The following SLC35F4 variants were observed in gnomAD, a reference collection of about 807,000 sequenced individuals.
SLC35F4 encodes chromosome 14 open reading frame 36.
A neutral mutation model predicts 44.2 loss-of-function variants in SLC35F4; 24 were observed. The ratio of observed to expected loss-of-function variants is 0.54; its 90% CI spans 0.39 to 0.76. SLC35F4 has a LOEUF of 0.76. Ranked by LOEUF, SLC35F4 falls within the 30% of genes least tolerant of loss-of-function variation. The pLI, the probability that SLC35F4 is intolerant of heterozygous loss-of-function variation, is 0.00. For missense variants in SLC35F4, 562 were observed against 586.1 expected (o/e 0.96, Z 0.42); for synonymous variants, 238 against 223.6 (o/e 1.06, Z -0.57).
At chr14:57,978,805 G>A (rs1043714701) in intron 1 of SLC35F4, among the ~76,000 whole-genome samples, 1 of 152,104 alleles carries the variant, frequency 6.6e-6, no homozygotes, top group East Asian at 1.9e-4. Flanking sequence ...GAAAATCAGG[G>A]GACACAGAAT....
chr14:57,619,105 T>C (rs1030412170), intron 1 of SLC35F4, among the ~76,000 whole-genome samples: 1 of 152,086 alleles, frequency 6.6e-6, no homozygotes, highest in African/African-American at 2.4e-5. Context: ...GGGGCAACTG[T>C]GGGTTCAGCT....
chr14:57,953,690 A>G (rs902600912), intron 1 of SLC35F4, among the ~76,000 whole-genome samples: 1 of 152,220 alleles, frequency 6.6e-6, no homozygotes, highest in African/African-American at 2.4e-5. Flanking sequence ...AGGACATTAC[A>G]TAATTGTAAA....
chr14:57,807,416 C>T (rs2140875668), intron 1 of SLC35F4, among the ~76,000 whole-genome samples: 1 of 152,088 alleles, frequency 6.6e-6, no homozygotes, highest in South Asian at 2.1e-4. Flanking sequence ...CCTCCTGCCT[C>T]CAAGCAGGAA....
chr14:57,940,271 T>C (rs1290789538), intron 1 of SLC35F4, among the ~76,000 whole-genome samples: 3 of 152,164 alleles, frequency 2.0e-5, no homozygotes, highest in Non-Finnish European at 2.9e-5. Context: ...ATTCTCTTGA[T>C]GAGAATGGGT....
chr14:57,779,985 T>C (rs1180459377), intron 1 of SLC35F4, among the ~76,000 whole-genome samples: 1 of 152,156 alleles, frequency 6.6e-6, no homozygotes, highest in African/African-American at 2.4e-5. Flanking sequence ...TCATTCTGAA[T>C]GGGAAAAAGC....
intron 1 of SLC35F4, among the ~76,000 whole-genome samples, chr14:57,738,277 C>T (rs1173562143): frequency 6.6e-6 from 1 of 152,158 alleles, no homozygotes; most frequent in Non-Finnish European, 1.5e-5. Flanking sequence ...TAAATCCAGA[C>T]AGAAAGCAAA....
rs890647749 is a variant in SLC35F4 at position 57,865,933 on chromosome 14, G to A, written c.-108C>T. The A allele has an allele frequency of 1.5e-6, 1 of 649,864 alleles. No homozygotes were observed. Among genetic ancestry groups the A allele is most frequent in the Admixed American group, 4.2e-5 (1 of 23,816 alleles). 40.3% of individuals were successfully genotyped at this position (649,864 alleles called of 1,614,324 possible). A position where few individuals can be genotyped will look rare whatever the true frequency, so the allele number is the denominator to read the frequency against. ...CGCTGGTGCTGATCTTGCAGCTCCT[G>A]CTCCCGCGCCCGGGCTCTGACTCCA... On this transcript the variant is annotated 5_prime_UTR_variant, in exon 1 of 8. Transcript: ENST00000556826.
At chr14:57,652,442 C>A (rs893045551) in intron 1 of SLC35F4, among the ~76,000 whole-genome samples, 1 of 152,038 alleles carries the variant, frequency 6.6e-6, no homozygotes. Context: ...CTTTTTGGAG[C>A]AAATTTCTTC....
chr14:57,877,674 CTTTTTTTTTTTTTTT>C (rs139397949), intron 1 of SLC35F4, among the ~76,000 whole-genome samples: 2 of 52,440 alleles, frequency 3.8e-5, no homozygotes, highest in Admixed American at 4.5e-4. Flanking sequence ...TATTTTTTGA[CTTTTTTTTTTTTTTT>C]TTTTTTTTTT....
At chr14:57,767,363 T>C (rs1257369517) in intron 1 of SLC35F4, among the ~76,000 whole-genome samples, 1 of 152,160 alleles carries the variant, frequency 6.6e-6, no homozygotes, top group Non-Finnish European at 1.5e-5. Flanking sequence ...AATCATACAA[T>C]TTTTTCTGAT....
At chr14:57,581,122 G>GCAACTCCACGAAACAAAGCAGA in intron 4 of SLC35F4, 92 bp downstream of exon 4, 1 of 1,309,070 alleles carries the variant, frequency 7.6e-7, no homozygotes, top group African/African-American at 1.5e-5. Context: ...AAGTTTTACA[G>GCAACTCCACGAAACAAAGCAGA]CAACTCCACG....
chr14:57,838,505 T>C (rs1885167669), intron 1 of SLC35F4, among the ~76,000 whole-genome samples: 2 of 152,210 alleles, frequency 1.3e-5, no homozygotes, highest in Admixed American at 6.5e-5. Context: ...CAACACATCT[T>C]TACTGAGCTT....
At chr14:57,731,082 G>C (rs1256628524) in intron 1 of SLC35F4, among the ~76,000 whole-genome samples, 5 of 152,112 alleles carry the variant, frequency 3.3e-5, no homozygotes, top group East Asian at 1.9e-4. Flanking sequence ...AGGGGACCTT[G>C]ACAAGACAAA....
At chr14:57,812,708 G>GA (rs372177957) in intron 1 of SLC35F4, among the ~76,000 whole-genome samples, 16 of 147,074 alleles carry the variant, frequency 1.1e-4, no homozygotes, top group South Asian at 8.6e-4. Context: ...AACGGACAAA[G>GA]AAAAAAAAAA....
chr14:57,746,614 CA>C, intron 1 of SLC35F4, among the ~76,000 whole-genome samples: 1 of 150,816 alleles, frequency 6.6e-6, no homozygotes, highest in South Asian at 2.1e-4. Flanking sequence ...TTTTTCTTGT[CA>C]TATCTTTGTT....
chr14:57,685,088 A>C (rs2075028905), intron 1 of SLC35F4, among the ~76,000 whole-genome samples: 1 of 152,184 alleles, frequency 6.6e-6, no homozygotes, highest in African/African-American at 2.4e-5. Flanking sequence ...ATATAAATAA[A>C]TCTATATTTT....
intron 7 of SLC35F4, among the ~76,000 whole-genome samples, chr14:57,565,483 T>A (rs187419428): frequency 3.9e-5 from 6 of 152,362 alleles, no homozygotes; most frequent in Non-Finnish European, 8.8e-5. Flanking sequence ...TCCCTCTCAA[T>A]GCTACATGGT....
At chr14:57,728,429 T>TTTTC (rs1566800995) in intron 1 of SLC35F4, among the ~76,000 whole-genome samples, 1 of 116,044 alleles carries the variant, frequency 8.6e-6, no homozygotes, top group Non-Finnish European at 1.7e-5. Flanking sequence ...TTTTCTTCTT[T>TTTTC]TTTCTTTCTT....
chr14:57,917,167 T>C (rs1309354658), intron 1 of SLC35F4, among the ~76,000 whole-genome samples: 1 of 152,160 alleles, frequency 6.6e-6, no homozygotes, highest in Non-Finnish European at 1.5e-5. Flanking sequence ...TTCAAGTGAT[T>C]CTCCTGCCTC....
Sources: allele counts gnomAD v4.1 joint callset (sites outside exome capture counted in the v4.1 genomes callset), GRCh38; gene constraint gnomAD v4.1.1; transcripts MANE v1.5; gene names NCBI Gene and HGNC (gene_info 2026-07-23, HGNC 2026-07-21).